RICTOR: variants seen among roughly 807,000 people sequenced by gnomAD.
RICTOR encodes RPTOR independent companion of MTOR complex 2, also known as rapamycin-insensitive companion of mTOR.
A neutral mutation model predicts 214.9 loss-of-function variants in RICTOR; 49 were observed. That is an observed-to-expected ratio of 0.23 (90% CI 0.18 to 0.29). RICTOR has a LOEUF of 0.29. Ranked by LOEUF, RICTOR falls within the 10% of genes least tolerant of loss-of-function variation. RICTOR has a pLI of 1.00. For synonymous variants in RICTOR, 717 were observed against 711.3 expected (o/e 1.01, Z -0.13); for missense variants, 1,625 against 2,047.0 (o/e 0.79, Z 3.98).
chr5:39,042,749 A>G (rs1757254698), intron 2 of RICTOR, among the ~76,000 whole-genome samples: 1 of 152,234 alleles, frequency 6.6e-6, no homozygotes, highest in South Asian at 2.1e-4. Context: ...CAGTAACCAC[A>G]CTCAAAAAGT....
At chr5:39,070,454 C>T (rs527353747) in intron 2 of RICTOR, among the ~76,000 whole-genome samples, 12 of 151,396 alleles carry the variant, frequency 7.9e-5, no homozygotes, top group Admixed American at 3.9e-4. Flanking sequence ...CCGGCCTGGG[C>T]GACAGAGCGA....
chr5:38,952,462 C>A (rs2112870573), intron 29 of RICTOR, 37 bp from the exon 30 acceptor site: 1 of 1,367,600 alleles, frequency 7.3e-7, no homozygotes, highest in Admixed American at 1.8e-5. Flanking sequence ...AGTTATAATT[C>A]CAAGCTGAGA....
intron 7 of RICTOR, among the ~76,000 whole-genome samples, chr5:38,987,847 C>T (rs188497708): frequency 6.6e-6 from 1 of 152,134 alleles, no homozygotes; most frequent in East Asian, 1.9e-4. Flanking sequence ...ACATTTAGTG[C>T]TATAAATTTC....
intron 5 of RICTOR, among the ~76,000 whole-genome samples, chr5:38,997,717 A>G (rs774701739): frequency 1.3e-5 from 2 of 152,168 alleles, no homozygotes; most frequent in African/African-American, 4.8e-5. Flanking sequence ...TAATCCCTGA[A>G]AAAAGAAGCA....
intron 18 of RICTOR, 42 bp from the exon 19 acceptor site, chr5:38,962,403 AT>A (rs1186804942): frequency 8.6e-7 from 1 of 1,156,652 alleles, no homozygotes; most frequent in South Asian, 1.4e-5. Flanking sequence ...GTACTTATCA[AT>A]TCTCACACAT....
chr5:38,998,109 G>A (rs1196823442), intron 5 of RICTOR, among the ~76,000 whole-genome samples: 2 of 152,206 alleles, frequency 1.3e-5, no homozygotes, highest in Non-Finnish European at 2.9e-5. Flanking sequence ...TCTACACTCT[G>A]AGATCCTAAA....
chr5:39,070,692 T>A (rs533289215), intron 2 of RICTOR, among the ~76,000 whole-genome samples: 1 of 152,334 alleles, frequency 6.6e-6, no homozygotes, highest in African/African-American at 2.4e-5. Flanking sequence ...GGGAATTCAC[T>A]TTGAACACAA....
chr5:39,055,414 A>C (rs1758134961), intron 2 of RICTOR, among the ~76,000 whole-genome samples: 1 of 98,382 alleles, frequency 1.0e-5, no homozygotes, highest in African/African-American at 4.8e-5. Flanking sequence ...TTTCTCTGAC[A>C]ATTCCCCCCC....
Position 38,954,868 on chromosome 5 carries a change from T to C in RICTOR, c.2610-7A>G, listed in dbSNP as rs775541585. 1 of 1,446,616 alleles carries C rather than the reference T, an allele frequency of 6.9e-7. No homozygotes were observed. The highest frequency in any genetic ancestry group is 1.2e-5 in the South Asian group (1 of 85,422). 89.6% of individuals were successfully genotyped at this position (1,446,616 alleles called of 1,614,324 possible). ...GACGTGAGGACGCTGTAATCTAGTATAATAAAGATGATTACTATATCTCTT... is the reference window on the plus strand; with the variant it reads ...GACGTGAGGACGCTGTAATCTAGTACAATAAAGATGATTACTATATCTCTT... On this transcript the variant is annotated splice_region_variant and splice_polypyrimidine_tract_variant and intron_variant, in intron 26 of 37. Transcript: ENST00000357387.
chr5:39,005,278 T>C (rs554110093), intron 3 of RICTOR, among the ~76,000 whole-genome samples: 3 of 152,252 alleles, frequency 2.0e-5, no homozygotes, highest in East Asian at 1.9e-4. Flanking sequence ...CTGTCCAAAC[T>C]CTCCTTCTGG....
At chr5:38,990,534 T>TATAC (rs1554067796) in intron 7 of RICTOR, among the ~76,000 whole-genome samples, 1 of 22,768 alleles carries the variant, frequency 4.4e-5, no homozygotes, top group African/African-American at 8.9e-5. Flanking sequence ...ACGATATATA[T>TATAC]ACGATATATA....
intron 5 of RICTOR, among the ~76,000 whole-genome samples, chr5:38,997,261 T>C (rs1407032495): frequency 1.2e-4 from 18 of 152,178 alleles, no homozygotes; most frequent in Non-Finnish European, 1.3e-4. Flanking sequence ...CAAGGCTGTT[T>C]TCATTTAATT....
intron 36 of RICTOR, among the ~76,000 whole-genome samples, chr5:38,943,434 C>G (rs1031659665): frequency 6.6e-6 from 1 of 152,024 alleles, no homozygotes. Flanking sequence ...GTTAAGGGCC[C>G]GCTCCCAGAG....
At chr5:39,049,411 T>C (rs1757700968) in intron 2 of RICTOR, among the ~76,000 whole-genome samples, 3 of 152,146 alleles carry the variant, frequency 2.0e-5, no homozygotes, top group Admixed American at 2.0e-4. Flanking sequence ...CAGTAAACAC[T>C]TTAGGCTTTA....
intron 3 of RICTOR, among the ~76,000 whole-genome samples, chr5:39,009,384 G>A (rs925802769): frequency 9.2e-5 from 14 of 151,956 alleles, no homozygotes; most frequent in Non-Finnish European, 1.3e-4. Context: ...AAACAAACAC[G>A]CACCATTTAA....
At chr5:38,944,703 G>T in intron 35 of RICTOR, 134 bp from the exon 36 acceptor site, 1 of 907,638 alleles carries the variant, frequency 1.1e-6, no homozygotes, top group Non-Finnish European at 1.6e-6. Flanking sequence ...CATTTTGGGA[G>T]CAAAACTCTA....
chr5:38,959,440 C>T, intron 21 of RICTOR, 119 bp from the exon 22 acceptor site: 1 of 654,132 alleles, frequency 1.5e-6, no homozygotes, highest in South Asian at 2.4e-5. Flanking sequence ...TTGTATTATT[C>T]AAAGTGTATA....
rs117699959 is a variant in RICTOR at position 39,048,011 on chromosome 5, G to A, written c.97+26100C>T. ...TCAACACAAAGAATTTAACCACAAC[G>A]AAGAATTTTCCCACTAATTCAGAAT... is the stretch of plus-strand genomic sequence containing the variant. On this transcript the variant is annotated intron_variant, in intron 2 of 37. Coordinates refer to ENST00000357387, the MANE Select transcript of RICTOR (RefSeq NM_152756.5). Among the ~76,000 whole-genome samples, 1,066 of 152,246 alleles carry A rather than the reference G, an allele frequency of 7.0e-3. 54 individuals carry two copies. In the East Asian group the frequency reaches 0.12, roughly 17 times the overall value.
rs1024867132 is a variant in RICTOR, at chr5:38,938,374, G to T, written c.*3930C>A. ...TTTAGGGTTTCTGACAGGTATTTTT[G>T]TAACAATTACCTATAAAATTTTTTT... On this transcript the variant is annotated 3_prime_UTR_variant, in exon 38 of 38. Transcript: ENST00000357387. 1 of 230,068 alleles carries T rather than the reference G, an allele frequency of 4.3e-6. No homozygotes were observed. Among genetic ancestry groups the T allele is most frequent in the Non-Finnish European group, 8.6e-6 (1 of 115,956 alleles). The allele number at this position is 230,068 out of a possible 1,614,324, so 14.3% of individuals were successfully genotyped here. A position where few individuals can be genotyped will look rare whatever the true frequency, so the allele number is the denominator to read the frequency against.
Sources: gnomAD v4.1 joint callset for allele counts (sites outside exome capture counted in the v4.1 genomes callset) on GRCh38, gnomAD v4.1.1 for gene constraint, MANE v1.5 for transcripts, NCBI Gene and HGNC (gene_info 2026-07-23, HGNC 2026-07-21) for gene names.